SYN2: variants seen among roughly 807,000 people sequenced by gnomAD.
SYN2 encodes the protein synapsin-2.
In SYN2, 19 loss-of-function variants were observed where a neutral mutation model predicts 50.9. That is an observed-to-expected ratio of 0.37 (90% CI 0.26 to 0.55). The LOEUF (loss-of-function observed/expected upper bound fraction) is 0.55, where lower values mean the gene tolerates loss of function less well. Among genes scored for constraint, SYN2 ranks in the 20% least tolerant of loss-of-function variants. The pLI is 0.81. For missense variants in SYN2, 587 were observed against 576.4 expected (o/e 1.02, Z -0.19); for synonymous variants, 255 against 224.9 (o/e 1.13, Z -1.20).
intron 1 of SYN2, among the ~76,000 whole-genome samples, chr3:12,114,757 C>G (rs1419280418): frequency 1.3e-5 from 2 of 152,090 alleles, no homozygotes; most frequent in Non-Finnish European, 2.9e-5. Flanking sequence ...TAGAAATGTA[C>G]TATTTCTTCT....
At chr3:12,168,285 A>T (rs1047821132) in intron 8 of SYN2, 91 bp from the exon 9 acceptor site, 2 of 948,686 alleles carry the variant, frequency 2.1e-6, no homozygotes, top group Non-Finnish European at 3.3e-6. Flanking sequence ...GAGGTGGGAG[A>T]GATGGAGGCA....
At chr3:12,033,956 A>G (rs1055302789) in intron 1 of SYN2, among the ~76,000 whole-genome samples, 2 of 152,094 alleles carry the variant, frequency 1.3e-5, no homozygotes, top group Non-Finnish European at 2.9e-5. Context: ...GGTTGTTTTC[A>G]CTTCTGTGTA....
At chr3:12,053,862 G>C (rs1694927435) in intron 1 of SYN2, among the ~76,000 whole-genome samples, 1 of 152,048 alleles carries the variant, frequency 6.6e-6, no homozygotes, top group Non-Finnish European at 1.5e-5. Context: ...AAAATGATAA[G>C]TTTTGCAAAC....
At chr3:12,162,703 G>GC (rs1697683071) in intron 7 of SYN2, among the ~76,000 whole-genome samples, 1 of 152,122 alleles carries the variant, frequency 6.6e-6, no homozygotes, top group Non-Finnish European at 1.5e-5. Context: ...TCCCCAGACT[G>GC]CCACAGCACA....
At position 12,105,029 on chromosome 3, in the gene SYN2, T is replaced by TAATC. The variant is rs560698859; in HGVS notation, c.378-35620_378-35617dup. 1.4e-3 allele frequency among the ~76,000 whole-genome samples: 216 copies of TAATC among 152,278 alleles called. 1 individual carries two copies. Among genetic ancestry groups the TAATC allele is most frequent in the African/African-American group, 4.9e-3 (204 of 41,562 alleles). ...CATGTAATCACTGTTTCTGAAGCCTTAATCATCCCTTTGAAACCCATCCAT... is the reference window on the plus strand; with the variant it reads ...CATGTAATCACTGTTTCTGAAGCCTTAATCAATCATCCCTTTGAAACCCATCCAT... On this transcript the variant is annotated intron_variant, in intron 1 of 12. Transcript: ENST00000621198.
chr3:12,089,974 G>C (rs1695791268), intron 1 of SYN2, among the ~76,000 whole-genome samples: 1 of 152,150 alleles, frequency 6.6e-6, no homozygotes, highest in African/African-American at 2.4e-5. Context: ...GAAGGAGTTA[G>C]ATTAGAGAAT....
At chr3:12,100,859 G>A (rs550795435) in intron 1 of SYN2, among the ~76,000 whole-genome samples, 8 of 152,092 alleles carry the variant, frequency 5.3e-5, no homozygotes, top group African/African-American at 1.9e-4. Flanking sequence ...GAACATCTAC[G>A]TGTCAAGTAG....
At chr3:12,160,086 A>G (rs1354600257) in intron 5 of SYN2, among the ~76,000 whole-genome samples, 1 of 151,640 alleles carries the variant, frequency 6.6e-6, no homozygotes, top group African/African-American at 2.4e-5. Flanking sequence ...AAAACAAAGA[A>G]GCAGGGGACT....
chr3:12,050,019 C>A (rs949626580), intron 1 of SYN2, among the ~76,000 whole-genome samples: 1 of 152,154 alleles, frequency 6.6e-6, no homozygotes, highest in African/African-American at 2.4e-5. Flanking sequence ...CCTGCCCCAG[C>A]GTCCCAAGTA....
chr3:12,140,562 C>T (rs1398056668), intron 1 of SYN2, 89 bp from the exon 2 acceptor site: 2 of 715,726 alleles, frequency 2.8e-6, no homozygotes, highest in African/African-American at 3.5e-5. Context: ...GGAGATCTGT[C>T]TGCTGTGGTC....
intron 1 of SYN2, among the ~76,000 whole-genome samples, chr3:12,043,818 A>G (rs1401334890): frequency 1.3e-5 from 2 of 152,134 alleles, no homozygotes; most frequent in Non-Finnish European, 2.9e-5. Context: ...CTCACCTACT[A>G]TATAGTCAAA....
At chr3:12,022,118 A>G (rs937367194) in intron 1 of SYN2, among the ~76,000 whole-genome samples, 1 of 151,418 alleles carries the variant, frequency 6.6e-6, no homozygotes, top group Non-Finnish European at 1.5e-5. Flanking sequence ...TAAAATCAGT[A>G]CTACATACAG....
At chr3:12,148,289 A>C (rs1697198874) in intron 4 of SYN2, among the ~76,000 whole-genome samples, 2 of 152,184 alleles carry the variant, frequency 1.3e-5, no homozygotes, top group African/African-American at 4.8e-5. Context: ...TGGGCCCTGC[A>C]TGAGGAGAAC....
chr3:12,176,248 G>A (rs1192902679), intron 10 of SYN2, among the ~76,000 whole-genome samples: 1 of 152,212 alleles, frequency 6.6e-6, no homozygotes, highest in Non-Finnish European at 1.5e-5. Flanking sequence ...AGAACTTCAG[G>A]GGGACAGAGC....
At chr3:12,133,314 C>A (rs768976474) in intron 1 of SYN2, among the ~76,000 whole-genome samples, 17 of 152,254 alleles carry the variant, frequency 1.1e-4, no homozygotes, top group Admixed American at 6.5e-4. Context: ...ACCAATGATC[C>A]ATAACAGAAA....
At position 12,181,479 on chromosome 3, in the gene SYN2, G is replaced by A. The variant is rs184630637; in HGVS notation, c.1309-1833G>A. Reference sequence around the variant, plus strand: ...ACTGAGCAGCTGTTTATGACATAAAGGAGGGAGAAGGCTAGAAAGGGCAAG... The same window carrying A: ...ACTGAGCAGCTGTTTATGACATAAAAGAGGGAGAAGGCTAGAAAGGGCAAG... On this transcript the variant is annotated intron_variant, in intron 10 of 12. Transcript: ENST00000621198. 2.8e-3 allele frequency among the ~76,000 whole-genome samples: 420 copies of A among 152,352 alleles called. 2 individuals carry two copies. Among genetic ancestry groups the A allele is most frequent in the African/African-American group, 9.5e-3 (393 of 41,572 alleles).
At chr3:12,070,732 T>C in intron 1 of SYN2, 1 of 864,164 alleles carries the variant, frequency 1.2e-6, no homozygotes, top group Non-Finnish European at 1.8e-6. Flanking sequence ...AGTGCCCATC[T>C]ACGAGGCCTA....
chr3:12,042,922 C>T (rs539085084), intron 1 of SYN2, among the ~76,000 whole-genome samples: 10 of 152,164 alleles, frequency 6.6e-5, no homozygotes, highest in Middle Eastern at 3.4e-3. Flanking sequence ...CTACAGCCTT[C>T]GGAGGGAACA....
At chr3:12,044,609 C>G (rs936082205) in intron 1 of SYN2, among the ~76,000 whole-genome samples, 4 of 152,068 alleles carry the variant, frequency 2.6e-5, no homozygotes, top group African/African-American at 9.7e-5. Flanking sequence ...TATGTTGAGT[C>G]TTGGTCATTT....
Sources: allele counts gnomAD v4.1 joint callset (sites outside exome capture counted in the v4.1 genomes callset), GRCh38; gene constraint gnomAD v4.1.1; transcripts MANE v1.5; gene names NCBI Gene and HGNC (gene_info 2026-07-23, HGNC 2026-07-21).